CTIF: variants seen among roughly 807,000 people sequenced by gnomAD.
The protein encoded by CTIF is CBP80/20-dependent translation initiation factor.
A neutral mutation model predicts 66.0 loss-of-function variants in CTIF; 21 were observed. The ratio of observed to expected loss-of-function variants is 0.32; its 90% CI spans 0.23 to 0.46. The LOEUF (loss-of-function observed/expected upper bound fraction) is 0.46. Ranked by LOEUF, CTIF falls within the 20% of genes least tolerant of loss-of-function variation. The probability of loss-of-function intolerance (pLI) is 1.00; values close to 1 mark genes in which losing one functional copy is unlikely to be tolerated. For missense variants in CTIF, 739 were observed against 812.7 expected, an observed-to-expected ratio of 0.91 and a Z score of 1.10; for synonymous variants, 345 against 326.4, an observed-to-expected ratio of 1.06 and a Z score of -0.62.
At chr18:48,747,311 C>A (rs1907320990) in intron 7 of CTIF, among the ~76,000 whole-genome samples, 1 of 152,242 alleles carries the variant, frequency 6.6e-6, no homozygotes, top group African/African-American at 2.4e-5. Flanking sequence ...AGCGCCCCAT[C>A]TTCTGCCCCA....
intron 1 of CTIF, among the ~76,000 whole-genome samples, chr18:48,592,663 G>A (rs1294809810): frequency 2.0e-5 from 3 of 152,214 alleles, no homozygotes; most frequent in Non-Finnish European, 4.4e-5. Flanking sequence ...GCCTGCCTCG[G>A]CCACTGTCAT....
At chr18:48,564,595 T>C (rs1342643362) in intron 1 of CTIF, among the ~76,000 whole-genome samples, 2 of 152,210 alleles carry the variant, frequency 1.3e-5, no homozygotes, top group Non-Finnish European at 2.9e-5. Context: ...GGTTACCTTC[T>C]TGGTGTAGGT....
intron 10 of CTIF, among the ~76,000 whole-genome samples, chr18:48,836,200 A>C (rs980244392): frequency 1.4e-5 from 2 of 147,480 alleles, no homozygotes; most frequent in African/African-American, 5.1e-5. Context: ...TCAAGATCCC[A>C]GCAACAAAGT....
chr18:48,840,949 A>G (rs1169203338), intron 10 of CTIF, among the ~76,000 whole-genome samples: 1 of 147,174 alleles, frequency 6.8e-6, no homozygotes, highest in Admixed American at 7.0e-5. Flanking sequence ...TCTTCAATAC[A>G]GCATGCCAAG....
intron 1 of CTIF, among the ~76,000 whole-genome samples, chr18:48,612,328 C>T (rs2090322104): frequency 6.6e-6 from 1 of 152,220 alleles, no homozygotes; most frequent in African/African-American, 2.4e-5. Context: ...CTCCCCACTC[C>T]AGCAGGCAGC....
chr18:48,807,812 C>T (rs111531407), intron 9 of CTIF, among the ~76,000 whole-genome samples: 2 of 152,156 alleles, frequency 1.3e-5, no homozygotes, highest in African/African-American at 4.8e-5. Context: ...GAGCTCCTGG[C>T]CTCAGATGAT....
intron 10 of CTIF, among the ~76,000 whole-genome samples, chr18:48,846,369 C>G (rs1252721040): frequency 6.6e-6 from 1 of 152,226 alleles, no homozygotes; most frequent in Non-Finnish European, 1.5e-5. Context: ...AATTATAAGT[C>G]TTATTGTTCC....
chr18:48,682,223 G>T (rs1436291189), intron 6 of CTIF, among the ~76,000 whole-genome samples: 2 of 152,136 alleles, frequency 1.3e-5, no homozygotes, highest in Non-Finnish European at 2.9e-5. Flanking sequence ...GAGCACAGCT[G>T]CCCCTCCACA....
chr18:48,738,348 C>A (rs542342004), intron 7 of CTIF, among the ~76,000 whole-genome samples: 1 of 150,386 alleles, frequency 6.6e-6, no homozygotes, highest in South Asian at 2.1e-4. Context: ...TCAGAACCCT[C>A]CAGTGGTTCC....
intron 10 of CTIF, among the ~76,000 whole-genome samples, chr18:48,828,777 G>A (rs182890764): frequency 4.6e-4 from 70 of 152,330 alleles, no homozygotes; most frequent in African/African-American, 1.3e-3. Context: ...TGTTCTCTGC[G>A]TTCCCTGCAG....
rs544775598 is a variant in CTIF, at chr18:48,757,218, T to G, written c.585-701T>G. On this transcript the variant is annotated intron_variant, in intron 7 of 11. Coordinates refer to ENST00000256413, the MANE Select transcript of CTIF (RefSeq NM_014772.3). ...CAGCCTCGTTTAATTTAATCACCTC[T>G]TTAAAGGTGATCCATCATGTCTTAT... Among the ~76,000 whole-genome samples, 10 of 152,278 alleles carry G rather than the reference T, an allele frequency of 6.6e-5. No individual in the cohort carries two copies. The South Asian group carries it at 2.1e-3, about 32-fold the overall frequency.
At chr18:48,753,387 G>T (rs948239421) in intron 7 of CTIF, among the ~76,000 whole-genome samples, 4 of 152,144 alleles carry the variant, frequency 2.6e-5, no homozygotes, top group Admixed American at 2.6e-4. Flanking sequence ...CATTTGGACT[G>T]CTGTTAAAAC....
At chr18:48,709,107 G>C (rs2092194547) in intron 6 of CTIF, among the ~76,000 whole-genome samples, 1 of 152,220 alleles carries the variant, frequency 6.6e-6, no homozygotes, top group Non-Finnish European at 1.5e-5. Context: ...CTAGCAGCCA[G>C]ATGCTATTAT....
chr18:48,668,012 G>A (rs980965806), intron 5 of CTIF, among the ~76,000 whole-genome samples: 5 of 152,224 alleles, frequency 3.3e-5, no homozygotes, highest in Non-Finnish European at 5.9e-5. Flanking sequence ...AGAAATCAGA[G>A]AAGGCTGTTG....
chr18:48,560,185 C>A (rs1029305207), intron 1 of CTIF, among the ~76,000 whole-genome samples: 1 of 151,922 alleles, frequency 6.6e-6, no homozygotes, highest in African/African-American at 2.4e-5. Flanking sequence ...GGACACAGAC[C>A]CTACTTCTTG....
intron 9 of CTIF, among the ~76,000 whole-genome samples, chr18:48,766,100 C>G (rs1599003380): frequency 1.9e-5 from 2 of 104,220 alleles, no homozygotes; most frequent in Admixed American, 2.6e-4. Flanking sequence ...CTATCCCTCC[C>G]CCCTCCCCCC....
At chr18:48,716,424 G>A (rs557956201) in intron 7 of CTIF, among the ~76,000 whole-genome samples, 27 of 152,198 alleles carry the variant, frequency 1.8e-4, no homozygotes, top group Admixed American at 1.2e-3. Context: ...GAGGATTTGG[G>A]AGATGGGAGG....
chr18:48,826,133 G>A (rs2068577408), intron 10 of CTIF: 1 of 152,210 alleles, frequency 6.6e-6, no homozygotes, highest in African/African-American at 2.4e-5. Context: ...ATAGGAATGA[G>A]AATAATACTC....
intron 7 of CTIF, among the ~76,000 whole-genome samples, chr18:48,725,382 G>T (rs191361577): frequency 6.6e-6 from 1 of 152,122 alleles, no homozygotes; most frequent in East Asian, 1.9e-4. Flanking sequence ...CCCTCCCAAG[G>T]CTCCACCATC....
Sources: gnomAD v4.1 joint callset for allele counts (sites outside exome capture counted in the v4.1 genomes callset) on GRCh38, gnomAD v4.1.1 for gene constraint, MANE v1.5 for transcripts, NCBI Gene and HGNC (gene_info 2026-07-23, HGNC 2026-07-21) for gene names.